The following DOCK1 variants were observed in gnomAD, a reference collection of about 807,000 sequenced individuals.
DOCK1 encodes the protein dedicator of cytokinesis 1.
Under a neutral mutation model 262.7 loss-of-function variants are expected in DOCK1, and 138 were observed. That is an observed-to-expected ratio of 0.53 (90% CI 0.46 to 0.61). The LOEUF (loss-of-function observed/expected upper bound fraction) is 0.61. Among genes scored for constraint, DOCK1 ranks in the 20% least tolerant of loss-of-function variants. The pLI is 0.00. For missense variants in DOCK1, 1,908 were observed against 2,370.7 expected (o/e 0.80, Z 4.05); for synonymous variants, 866 against 867.4 (o/e 1.00, Z 0.03).
intron 12 of DOCK1, among the ~76,000 whole-genome samples, chr10:127,013,291 G>A (rs1243820455): frequency 6.6e-6 from 1 of 152,036 alleles, no homozygotes; most frequent in Non-Finnish European, 1.5e-5. Context: ...CAGACAGAGC[G>A]ATTTTCAGCT....
At chr10:126,947,213 C>T (rs923564169) in intron 1 of DOCK1, among the ~76,000 whole-genome samples, 2 of 150,650 alleles carry the variant, frequency 1.3e-5, no homozygotes, top group South Asian at 4.2e-4. Context: ...TTACCTCTGC[C>T]ATGATGATGG....
chr10:126,936,020 A>G (rs1316892260), intron 1 of DOCK1, among the ~76,000 whole-genome samples: 5 of 152,248 alleles, frequency 3.3e-5, no homozygotes, highest in Non-Finnish European at 7.3e-5. Flanking sequence ...TCACTTTGTC[A>G]TCCAGGCTGG....
At chr10:127,348,446 G>A (rs1332789895) in intron 31 of DOCK1, among the ~76,000 whole-genome samples, 5 of 152,166 alleles carry the variant, frequency 3.3e-5, no homozygotes, top group Non-Finnish European at 7.3e-5. Context: ...TGACTGCAAA[G>A]GAGCTTCTGT....
At chr10:127,346,813 T>C (rs1172327138) in intron 31 of DOCK1, among the ~76,000 whole-genome samples, 9 of 152,192 alleles carry the variant, frequency 5.9e-5, no homozygotes, top group Admixed American at 5.2e-4. Flanking sequence ...CAGGAGACTC[T>C]GGATTTCCCC....
chr10:127,153,702 G>T (rs189618037), intron 27 of DOCK1: 20 of 638,546 alleles, frequency 3.1e-5, no homozygotes, highest in African/African-American at 2.9e-4. Context: ...GGGGTATTTA[G>T]AGGTAGCTTA....
chr10:126,942,156 C>CT (rs1177941695), intron 1 of DOCK1, among the ~76,000 whole-genome samples: 56 of 149,828 alleles, frequency 3.7e-4, no homozygotes, highest in Non-Finnish European at 4.9e-4. Flanking sequence ...TCCCGAGTAG[C>CT]GGGACTACAG....
intron 27 of DOCK1, among the ~76,000 whole-genome samples, chr10:127,130,740 T>C (rs2050272397): frequency 6.6e-6 from 1 of 152,194 alleles, no homozygotes; most frequent in South Asian, 2.1e-4. Context: ...CACAGTGCCC[T>C]GCAGACAGAC....
At chr10:126,973,307 C>T (rs1283216371) in intron 2 of DOCK1, among the ~76,000 whole-genome samples, 1 of 151,640 alleles carries the variant, frequency 6.6e-6, no homozygotes, top group Non-Finnish European at 1.5e-5. Context: ...CAGCTCACTG[C>T]AACCTCTGCC....
chr10:127,220,900 A>G (rs998386466), intron 27 of DOCK1, among the ~76,000 whole-genome samples: 1 of 152,196 alleles, frequency 6.6e-6, no homozygotes, highest in African/African-American at 2.4e-5. Context: ...ATGGAGGAGC[A>G]GAGCTCTCCT....
At chr10:126,925,394 T>C (rs1424470012) in intron 1 of DOCK1, among the ~76,000 whole-genome samples, 1 of 152,220 alleles carries the variant, frequency 6.6e-6, no homozygotes, top group East Asian at 1.9e-4. Context: ...TTGTTTTGTT[T>C]TGTTTTTTGA....
At chr10:127,222,281 G>C (rs186255627) in intron 27 of DOCK1, among the ~76,000 whole-genome samples, 1 of 152,244 alleles carries the variant, frequency 6.6e-6, no homozygotes, top group Non-Finnish European at 1.5e-5. Context: ...TGTTAAAAAG[G>C]AATTGTGTAA....
At chr10:126,913,504 G>C (rs1031550978) in intron 1 of DOCK1, among the ~76,000 whole-genome samples, 6 of 152,174 alleles carry the variant, frequency 3.9e-5, no homozygotes, top group Non-Finnish European at 8.8e-5. Flanking sequence ...GGCCCTCCGT[G>C]GCCTTGGGCC....
chr10:127,048,389 G>A (rs1310827163), intron 21 of DOCK1, among the ~76,000 whole-genome samples: 1 of 151,878 alleles, frequency 6.6e-6, no homozygotes, highest in Non-Finnish European at 1.5e-5. Flanking sequence ...ATGTGTTTGT[G>A]TGTTTATACA....
chr10:126,913,206 C>T (rs142757525), intron 1 of DOCK1, among the ~76,000 whole-genome samples: 6 of 152,310 alleles, frequency 3.9e-5, no homozygotes, highest in Non-Finnish European at 7.4e-5. Flanking sequence ...GAGTGTGGCT[C>T]AGTCTCTGAG....
intron 27 of DOCK1, among the ~76,000 whole-genome samples, chr10:127,159,488 C>T (rs1007095625): frequency 2.0e-5 from 3 of 151,974 alleles, no homozygotes; most frequent in Non-Finnish European, 4.4e-5. Flanking sequence ...ATATAACATA[C>T]CTGAATTTTT....
At chr10:127,156,512 T>C (rs1224091144) in intron 27 of DOCK1, among the ~76,000 whole-genome samples, 2 of 151,828 alleles carry the variant, frequency 1.3e-5, no homozygotes, top group African/African-American at 4.8e-5. Flanking sequence ...TTTCTTCTCT[T>C]TTCTTTACTT....
chr10:126,953,949 C>G (rs1275626850), intron 1 of DOCK1, among the ~76,000 whole-genome samples: 1 of 152,164 alleles, frequency 6.6e-6, no homozygotes, highest in Non-Finnish European at 1.5e-5. Flanking sequence ...ATTTTTAAAA[C>G]TTCCGAGTGG....
intron 1 of DOCK1, among the ~76,000 whole-genome samples, chr10:126,906,131 G>C (rs1262674509): frequency 2.0e-5 from 3 of 152,226 alleles, no homozygotes; most frequent in Non-Finnish European, 4.4e-5. Flanking sequence ...GCTGGGGACC[G>C]TGTGGGACCT....
chr10:127,343,723 CAA>C lies in DOCK1; in HGVS notation c.3202_3203del (p.Lys1068GlufsTer6). On this transcript the variant is annotated frameshift_variant, in exon 31 of 52. Transcript: ENST00000623213. LOFTEE classifies it high-confidence loss of function. ...TGCAACTGGAGAATTTTTCAAGTGC[CAA>C]GAGAGCCAAAATCCTTAACAAGTAA... ...SLQLENFSSAKRAKILNKYGD... is the reference protein window; with the variant it reads ...SLQLENFSSAXRAKILNKYGD... The C allele has an allele frequency of 1.2e-6, 2 of 1,608,946 alleles. No homozygotes were observed. The highest frequency in any genetic ancestry group is 1.7e-6 in the Non-Finnish European group (2 of 1,177,748).
Sources: allele counts gnomAD v4.1 joint callset (sites outside exome capture counted in the v4.1 genomes callset), GRCh38; gene constraint gnomAD v4.1.1; transcripts MANE v1.5; gene names NCBI Gene and HGNC (gene_info 2026-07-23, HGNC 2026-07-21).